TRIO: variants seen among roughly 807,000 people sequenced by gnomAD.
TRIO encodes the protein triple functional domain protein.
A neutral mutation model predicts 351.9 loss-of-function variants in TRIO; 58 were observed. The ratio of observed to expected loss-of-function variants is 0.16; its 90% CI spans 0.13 to 0.21. The LOEUF (loss-of-function observed/expected upper bound fraction) is 0.21, where lower values mean the gene tolerates loss of function less well. Among genes scored for constraint, TRIO ranks in the 10% least tolerant of loss-of-function variants. The probability of loss-of-function intolerance (pLI) is 1.00; values close to 1 mark genes in which losing one functional copy is unlikely to be tolerated. For missense variants in TRIO, 3,201 were observed against 4,027.8 expected, an observed-to-expected ratio of 0.79 and a Z score of 5.56; for synonymous variants, 1,758 against 1,595.7, an observed-to-expected ratio of 1.10 and a Z score of -2.42.
chr5:14,236,049 C>G (rs1206220531), intron 1 of TRIO, among the ~76,000 whole-genome samples: 1 of 66,062 alleles, frequency 1.5e-5, no homozygotes, highest in African/African-American at 6.2e-5. Context: ...AATAGATCAC[C>G]TACTTAACAA....
intron 48 of TRIO, among the ~76,000 whole-genome samples, chr5:14,490,255 G>C (rs1248681204): frequency 6.6e-6 from 1 of 152,224 alleles, no homozygotes; most frequent in Non-Finnish European, 1.5e-5. Flanking sequence ...CTCCAGCCTG[G>C]ATGACAGAGG....
intron 34 of TRIO, among the ~76,000 whole-genome samples, chr5:14,425,870 A>G (rs1455992665): frequency 6.6e-6 from 1 of 152,160 alleles, no homozygotes; most frequent in Non-Finnish European, 1.5e-5. Flanking sequence ...AGCCTCGAAA[A>G]CTGTCAGCAA....
rs746301334 is a variant in TRIO, at chr5:14,287,076, G to C, written c.540+13G>C. On this transcript the variant is annotated intron_variant, in intron 4 of 56. Coordinates refer to ENST00000344204, the MANE Select transcript of TRIO (RefSeq NM_007118.4). ...ATTTGAATTTGAGGTAACTTCCCCC[G>C]TGTGGCTAGACCCACTAAACAAGTT... 1.1e-5 allele frequency: 18 copies of C among 1,612,796 alleles called. No individual in the cohort carries two copies. Among genetic ancestry groups the C allele is most frequent in the East Asian group, 2.2e-5 (1 of 44,878 alleles).
chr5:14,326,137 T>A (rs377240089), intron 9 of TRIO, among the ~76,000 whole-genome samples: 24 of 152,304 alleles, frequency 1.6e-4, no homozygotes, highest in African/African-American at 5.5e-4. Flanking sequence ...TGTCTTCATC[T>A]GTAAGAGGAT....
rs572738615 is a variant in TRIO at position 14,476,349 on chromosome 5, A to G, written c.6084-545A>G. ...CCAGGAAGGTCACCAGCCAAGGGAT[A>G]TACAGTCGTGCCTCATCTTCTGTGC... On this transcript the variant is annotated intron_variant, in intron 40 of 56. Transcript: ENST00000344204. Among the ~76,000 whole-genome samples, 63 of 152,370 alleles carry G rather than the reference A, an allele frequency of 4.1e-4. 1 individual carries two copies. The South Asian group carries it at 0.013, about 31-fold the overall frequency.
intron 1 of TRIO, among the ~76,000 whole-genome samples, chr5:14,196,353 G>A (rs1202769541): frequency 6.7e-6 from 1 of 149,792 alleles, no homozygotes; most frequent in East Asian, 2.0e-4. Context: ...AATCCAGGAG[G>A]TGGAGATTGC....
At chr5:14,145,880 A>G (rs1156724798) in intron 1 of TRIO, among the ~76,000 whole-genome samples, 1 of 152,168 alleles carries the variant, frequency 6.6e-6, no homozygotes, top group Non-Finnish European at 1.5e-5. Flanking sequence ...CCCCGCCGCC[A>G]GGGCTCCTGT....
At chr5:14,198,567 G>T (rs968922006) in intron 1 of TRIO, among the ~76,000 whole-genome samples, 1 of 152,176 alleles carries the variant, frequency 6.6e-6, no homozygotes, top group Non-Finnish European at 1.5e-5. Context: ...GGAATTTGGG[G>T]CATTGAAAGA....
Position 14,304,456 on chromosome 5 carries a change from C to T in TRIO, c.1369-5C>T, listed in dbSNP as rs776654412. On this transcript the variant is annotated splice_polypyrimidine_tract_variant and splice_region_variant and intron_variant, in intron 7 of 56. Transcript: ENST00000344204. Reference sequence around the variant, plus strand: ...ATAGAAATAATCTTTTTTTAACCTTCCAAGTATATGAGCAACGTGGATTCA... The same window carrying T: ...ATAGAAATAATCTTTTTTTAACCTTTCAAGTATATGAGCAACGTGGATTCA... 2.5e-6 allele frequency: 4 copies of T among 1,597,896 alleles called. No individual in the cohort carries two copies. The highest frequency in any genetic ancestry group is 2.7e-5 in the African/African-American group (2 of 73,718).
chr5:14,391,972 T>C (rs1417401570), intron 27 of TRIO, among the ~76,000 whole-genome samples: 1 of 152,238 alleles, frequency 6.6e-6, no homozygotes, highest in East Asian at 1.9e-4. Context: ...TTTCACATGA[T>C]TCTAGGTCTT....
intron 9 of TRIO, among the ~76,000 whole-genome samples, chr5:14,323,070 G>A (rs1321121510): frequency 6.6e-6 from 1 of 152,148 alleles, no homozygotes; most frequent in Admixed American, 6.5e-5. Context: ...AAAGGCTGGG[G>A]AAAGGGCTGG....
intron 1 of TRIO, among the ~76,000 whole-genome samples, chr5:14,164,847 G>A (rs1414276740): frequency 6.6e-6 from 1 of 152,124 alleles, no homozygotes; most frequent in Non-Finnish European, 1.5e-5. Context: ...TTACATATAG[G>A]CCCCATGCCC....
At chr5:14,460,508 T>C (rs999258469) in intron 34 of TRIO, among the ~76,000 whole-genome samples, 1 of 152,200 alleles carries the variant, frequency 6.6e-6, no homozygotes, top group Admixed American at 6.5e-5. Flanking sequence ...CAATTCTGCT[T>C]TTGTTCACTG....
intron 9 of TRIO, among the ~76,000 whole-genome samples, chr5:14,320,593 A>C (rs1739793592): frequency 6.6e-6 from 1 of 152,086 alleles, no homozygotes; most frequent in South Asian, 2.1e-4. Flanking sequence ...TTTTTAATTA[A>C]TATTCTTTAA....
intron 21 of TRIO, 149 bp from the exon 22 acceptor site, chr5:14,387,289 T>G (rs1190491379): frequency 3.1e-6 from 2 of 637,128 alleles, no homozygotes; most frequent in East Asian, 2.8e-5. Flanking sequence ...GGAGATGGAG[T>G]GGGTGGACCT....
At chr5:14,363,628 C>T (rs1447142847) in intron 13 of TRIO, 104 bp from the exon 14 acceptor site, 1 of 1,097,632 alleles carries the variant, frequency 9.1e-7, no homozygotes, top group East Asian at 2.4e-5. Context: ...TTTGACGTCT[C>T]TGTCCTTTGG....
intron 11 of TRIO, among the ~76,000 whole-genome samples, chr5:14,337,010 G>C (rs1443252218): frequency 6.6e-6 from 1 of 152,174 alleles, no homozygotes; most frequent in Non-Finnish European, 1.5e-5. Flanking sequence ...ATAAGTAGGG[G>C]ACCTGCGCGT....
chr5:14,504,354 A>T, intron 54 of TRIO, 39 bp from the exon 55 acceptor site: 1 of 1,608,788 alleles, frequency 6.2e-7, no homozygotes, highest in East Asian at 2.2e-5. Context: ...GCCAGACCTC[A>T]GCAGCCTCTG....
chr5:14,178,676 G>A (rs1789554510), intron 1 of TRIO, among the ~76,000 whole-genome samples: 1 of 152,160 alleles, frequency 6.6e-6, no homozygotes, highest in African/African-American at 2.4e-5. Context: ...TGTAGAGGGT[G>A]AGAGTCATGT....
Sources: allele counts gnomAD v4.1 joint callset (sites outside exome capture counted in the v4.1 genomes callset), GRCh38; gene constraint gnomAD v4.1.1; transcripts MANE v1.5; gene names NCBI Gene and HGNC (gene_info 2026-07-23, HGNC 2026-07-21).